Variants in CDK16 observed in about 807,000 individuals in gnomAD.
The protein encoded by CDK16 is cyclin dependent kinase 16.
Under a neutral mutation model 41.6 loss-of-function variants are expected in CDK16, and 2 were observed. That is an observed-to-expected ratio of 0.05 (90% confidence interval 0.02 to 0.15). The LOEUF (loss-of-function observed/expected upper bound fraction) is 0.15. Among genes scored for constraint, CDK16 ranks in the 10% least tolerant of loss-of-function variants. The probability of loss-of-function intolerance (pLI) is 1.00; values close to 1 mark genes in which losing one functional copy is unlikely to be tolerated. For synonymous variants in CDK16, 169 were observed against 169.7 expected, an observed-to-expected ratio of 1.00 and a Z score of 0.03; for missense variants, 228 against 428.9, an observed-to-expected ratio of 0.53 and a Z score of 4.14.
At position 47,228,797 on chromosome X, in the gene CDK16, G is replaced by T; in HGVS notation, c.*29G>T. 1 of 1,193,495 alleles carries T rather than the reference G, an allele frequency of 8.4e-7. No individual in the cohort carries two copies. Among genetic ancestry groups the T allele is most frequent in the Non-Finnish European group, 1.1e-6 (1 of 881,285 alleles). On this transcript the variant is annotated 3_prime_UTR_variant, in exon 16 of 16. Transcript: ENST00000357227. ...ACAGACCGAGGCCCCAGCAGGCAGC[G>T]GCTGGAGGGATGCCACACCCCTCAC...
intron 1 of CDK16, chrX:47,222,841 G>A: frequency 2.4e-6 from 1 of 423,585 alleles, no homozygotes; most frequent in Non-Finnish European, 4.0e-6. Context: ...GTCCTAACCT[G>A]ATCAAACCGT....
At chrX:47,223,475 CTG>C (rs965731769) in intron 1 of CDK16, 75 bp from the exon 2 acceptor site, 18 of 1,065,674 alleles carry the variant, frequency 1.7e-5, no homozygotes, top group South Asian at 6.0e-5. Context: ...CCCTGCTAGG[CTG>C]TGGGCTTTAG....
intron 1 of CDK16, 112 bp from the exon 2 acceptor site, chrX:47,223,440 G>A: frequency 2.0e-6 from 2 of 978,401 alleles, no homozygotes; most frequent in Admixed American, 2.7e-5. Context: ...GGTTGAGTGA[G>A]CACTGACAAG....
At position 47,228,389 on chromosome X, in the gene CDK16, G is replaced by C. The variant is rs2055273759; in HGVS notation, c.1376-178G>C. The C allele has an allele frequency of 1.3e-4, 55 of 430,240 alleles. 1 individual carries two copies. The South Asian group carries it at 2.0e-3, about 16-fold the overall frequency. 35.5% of individuals were successfully genotyped at this position (430,240 alleles called of 1,213,427 possible). On this transcript the variant is annotated intron_variant, in intron 14 of 15. Transcript: ENST00000357227. ...AATGATTTCTTTGTGTCATGTAATA[G>C]TCTATATTTCATCTTCCCTGGTTGT...
At chrX:47,218,384 T>G, upstream of CDK16, 1 of 379,442 alleles carries the variant, frequency 2.6e-6, no homozygotes. Context: ...ACTGAGTGCT[T>G]CATTTGTCTT....
chrX:47,225,523 C>T (rs1297912199), intron 6 of CDK16, among the ~76,000 whole-genome samples: 1 of 111,808 alleles, frequency 8.9e-6, no homozygotes, highest in Non-Finnish European at 1.9e-5. Flanking sequence ...GTCACATGAG[C>T]CTGGGGCTGC....
chrX:47,223,909 T>C (rs1937460397), intron 2 of CDK16, 150 bp downstream of exon 2: 1 of 494,486 alleles, frequency 2.0e-6, no homozygotes, highest in South Asian at 3.0e-5. Flanking sequence ...CCATCTTCTC[T>C]CAACACCGTC....
At position 47,224,851 on chromosome X, in the gene CDK16, G is replaced by C. The variant is rs1348752319; in HGVS notation, c.480G>C (p.Gly160=). 4 of 1,209,625 alleles carry C rather than the reference G, an allele frequency of 3.3e-6. No individual in the cohort carries two copies. The highest frequency in any genetic ancestry group is 4.5e-6 in the Non-Finnish European group (4 of 895,254). The part of the protein sequence containing the change: ...RRVSLSEIGF[G]KLETYIKLDK... ...TCCCACAGTCTGAGATTGGCTTTGG[G>C]AAACTGGAGACCTACATTAAGCTGG... is the stretch of plus-strand genomic sequence containing the variant. The change falls in exon 5 of 16, where the codon GGG becomes GGC. Residue 160 remains glycine (G), a synonymous_variant. Coordinates refer to ENST00000357227, the MANE Select transcript of CDK16 (RefSeq NM_006201.5).
chrX:47,219,325 G>C (rs1937230437), intron 1 of CDK16, among the ~76,000 whole-genome samples: 1 of 110,367 alleles, frequency 9.1e-6, no homozygotes, highest in Non-Finnish European at 1.9e-5. Context: ...GGTGCTAATG[G>C]GGACCTGGGG....
chrX:47,227,129 G>T, intron 12 of CDK16, 30 bp downstream of exon 12: 1 of 1,208,727 alleles, frequency 8.3e-7, no homozygotes, highest in Non-Finnish European at 1.1e-6. Context: ...GGGCGTTAGG[G>T]GCCAGAGTGT....
At chrX:47,220,291 CG>C (rs782179526) in intron 1 of CDK16, among the ~76,000 whole-genome samples, 11 of 99,593 alleles carry the variant, frequency 1.1e-4, no homozygotes, top group Non-Finnish European at 2.0e-4. Flanking sequence ...GGGTGCTACT[CG>C]GGGGTAGGGC....
At position 47,226,372 on chromosome X, in the gene CDK16, G is replaced by A. The variant is rs1937546541; in HGVS notation, c.886G>A (p.Glu296Lys). The A allele has an allele frequency of 2.5e-6, 3 of 1,209,687 alleles. No homozygotes were observed. Among genetic ancestry groups the A allele is most frequent in the Non-Finnish European group, 2.2e-6 (2 of 894,883 alleles). ...DLKPQNLLINERGELKLADFG... is the reference protein window; with the variant it reads ...DLKPQNLLINKRGELKLADFG... ...CAAGCCCCAGAACCTGCTCATCAAC[G>A]AGAGGGGAGAGCTCAAGCTGGCTGA... The change falls in exon 9 of 16, where the codon GAG becomes AAG. Residue 296 changes from glutamate to lysine, a missense_variant. Physicochemically the swap from Glu to Lys is moderately conservative, Grantham distance 56. Around this residue, in one of 3 missense-constraint regions of CDK16, gnomAD observed 66 missense variants for 197.2 expected, o/e 0.33. Transcript: ENST00000357227.
chrX:47,226,572 C>T lies in CDK16; in HGVS notation c.917-11C>T. On this transcript the variant is annotated splice_polypyrimidine_tract_variant and intron_variant, in intron 9 of 15. Coordinates refer to ENST00000357227, the MANE Select transcript of CDK16 (RefSeq NM_006201.5). The stretch of plus-strand genomic sequence containing the variant: ...CTCCCTCATTCTAGCTGTCCTTTCT[C>T]TGATTTCCAGGCCTGGCCCGAGCCA... 2 of 1,209,381 alleles carry T rather than the reference C, an allele frequency of 1.7e-6. No homozygotes were observed. Among genetic ancestry groups the T allele is most frequent in the Non-Finnish European group, 2.2e-6 (2 of 894,026 alleles).
chrX:47,229,724 G>C lies in CDK16; in HGVS notation c.*956G>C, dbSNP rs935816718. Reference sequence around the variant, plus strand: ...CCAGCTCAGCGAGGAGCCATAATGTGCATATGTGCACAAGCAGGGTTGGGG... The same window carrying C: ...CCAGCTCAGCGAGGAGCCATAATGTCCATATGTGCACAAGCAGGGTTGGGG... On this transcript the variant is annotated 3_prime_UTR_variant, in exon 16 of 16. Transcript: ENST00000357227. 7.2e-6 allele frequency: 1 copy of C among 138,798 alleles called. No individual in the cohort carries two copies. Among genetic ancestry groups the C allele is most frequent in the Non-Finnish European group, 1.4e-5 (1 of 69,707 alleles). The allele number at this position is 138,798 out of a possible 1,213,427, so 11.4% of individuals were successfully genotyped here. A position where few individuals can be genotyped will look rare whatever the true frequency, so the allele number is the denominator to read the frequency against.
chrX:47,227,071 G>A lies in CDK16; in HGVS notation c.1213G>A (p.Ala405Thr). The A allele has an allele frequency of 8.3e-7, 1 of 1,211,997 alleles. No individual in the cohort carries two copies. Residue 405 changes from alanine (A) to threonine (T), a missense_variant, in exon 12 of 16, where the codon GCC becomes ACC. By Grantham distance (58) the Ala-to-Thr change is moderately conservative (BLOSUM62 0). Transcript: ENST00000357227. The stretch of plus-strand genomic sequence containing the variant: ...GACATACAACTACCCCAAGTACCGA[G>A]CCGAGGCCCTTTTGAGCCACGCACC... ...FKTYNYPKYRAEALLSHAPRL... is the reference protein window; with the variant it reads ...FKTYNYPKYRTEALLSHAPRL...
Position 47,228,867 on chromosome X carries a change from C to T in CDK16, c.*99C>T, listed in dbSNP as rs2055287911. The T allele has an allele frequency of 1.1e-6, 1 of 890,981 alleles. No individual in the cohort carries two copies. The highest frequency in any genetic ancestry group is 2.6e-5 in the Admixed American group (1 of 38,758). The allele number at this position is 890,981 out of a possible 1,213,427, so 73.4% of individuals were successfully genotyped here. A position where few individuals can be genotyped will look rare whatever the true frequency, so the allele number is the denominator to read the frequency against. On this transcript the variant is annotated 3_prime_UTR_variant, in exon 16 of 16. Coordinates refer to ENST00000357227, the MANE Select transcript of CDK16 (RefSeq NM_006201.5). Reference sequence around the variant, plus strand: ...TCTTCCCTGCTTACTCTCTGCCTACCTGCCTGAGCCATGTTCACCTGCCCA... The same window carrying T: ...TCTTCCCTGCTTACTCTCTGCCTACTTGCCTGAGCCATGTTCACCTGCCCA...
chrX:47,222,666 T>TGGGGGGGGGGGG (rs1166179078), intron 1 of CDK16, among the ~76,000 whole-genome samples: 2 of 11,249 alleles, frequency 1.8e-4, no homozygotes, highest in Non-Finnish European at 3.5e-4. Context: ...GGTGTGGGGG[T>TGGGGGGGGGGGG]GGGGGGGGGC....
At position 47,226,665 on chromosome X, in the gene CDK16, G is replaced by C. The variant is rs1937554104; in HGVS notation, c.999G>C (p.Leu333=). The change falls in exon 10 of 16, where the codon CTG becomes CTC. Residue 333 remains leucine, a synonymous_variant. Coordinates refer to ENST00000357227, the MANE Select transcript of CDK16 (RefSeq NM_006201.5). ...VTLWYRPPDI[L]LGSTDYSTQI... ...TGTGGTACCGGCCCCCTGACATCCT[G>C]CTTGGGTCCACGGACTACTCCACTC... 2.5e-6 allele frequency: 3 copies of C among 1,210,452 alleles called. No homozygotes were observed. The highest frequency in any genetic ancestry group is 3.4e-6 in the Non-Finnish European group (3 of 895,031).
At chrX:47,227,812 G>A (rs2055258236) in intron 14 of CDK16, 1 of 172,824 alleles carries the variant, frequency 5.8e-6, no homozygotes, top group African/African-American at 3.1e-5. Context: ...TAGCACAAAA[G>A]TCAAGAAACA....
Sources: allele counts gnomAD v4.1 joint callset (sites outside exome capture counted in the v4.1 genomes callset), GRCh38; gene constraint gnomAD v4.1.1; regional missense constraint gnomAD v4.1.1; transcripts MANE v1.5; gene names NCBI Gene and HGNC (gene_info 2026-07-23, HGNC 2026-07-21).